DDX11: variants seen among roughly 807,000 people sequenced by gnomAD.
DDX11 encodes the protein DEAD/H-box helicase 11, also known as ATP-dependent DNA helicase DDX11.
DDX11 carries 72 observed loss-of-function variants against 125.2 expected under a neutral mutation model. The observed-to-expected ratio is 0.58, with a 90% confidence interval of 0.48 to 0.70. The LOEUF (loss-of-function observed/expected upper bound fraction) is 0.70. Ranked by LOEUF, DDX11 falls within the 30% of genes least tolerant of loss-of-function variation. The pLI is 0.00. For synonymous variants in DDX11, 347 were observed against 452.6 expected (o/e 0.77, Z 2.96); for missense variants, 883 against 1,165.0 (o/e 0.76, Z 3.52).
chr12:31,077,844 GAAAA>G (rs368776702), intron 1 of DDX11: 729 of 172,434 alleles, frequency 4.2e-3, no homozygotes, highest in South Asian at 0.013. Context: ...ACTCTGTCTC[GAAAA>G]AAAAAAAAAA....
intron 13 of DDX11, 36 bp downstream of exon 13, chr12:31,094,670 C>T (rs778429929): frequency 3.2e-6 from 5 of 1,550,798 alleles, no homozygotes; most frequent in Non-Finnish European, 4.4e-6. Context: ...CAGAGCTGAT[C>T]TGAGCCACTT....
intron 2 of DDX11, among the ~76,000 whole-genome samples, chr12:31,081,469 G>T (rs1035685223): frequency 6.6e-6 from 1 of 152,038 alleles, no homozygotes; most frequent in African/African-American, 2.4e-5. Flanking sequence ...ATCAAGTTGA[G>T]TCACCATTAC....
chr12:31,078,289 G>A, intron 1 of DDX11, 101 bp from the exon 2 acceptor site: 1 of 1,610,678 alleles, frequency 6.2e-7, no homozygotes, highest in Non-Finnish European at 8.5e-7. Flanking sequence ...GAGAAATTTG[G>A]TAATAAGTGT....
intron 5 of DDX11, 23 bp from the exon 6 acceptor site, chr12:31,087,915 T>C (rs750139608): frequency 1.6e-5 from 25 of 1,606,760 alleles, no homozygotes; most frequent in Non-Finnish European, 2.0e-5. Context: ...AAGACTGTTT[T>C]CTGTTCTCTC....
At chr12:31,098,051 G>C in intron 18 of DDX11, 54 bp downstream of exon 18, 1 of 1,355,600 alleles carries the variant, frequency 7.4e-7, no homozygotes, top group Non-Finnish European at 1.0e-6. Flanking sequence ...TGAGATGGGG[G>C]CTTGGGAGAG....
At position 31,101,029 on chromosome 12, in the gene DDX11, C is replaced by T; in HGVS notation, c.1951C>T (p.His651Tyr). 1 of 1,613,798 alleles carries T rather than the reference C, an allele frequency of 6.2e-7. No homozygotes were observed. Among genetic ancestry groups the T allele is most frequent in the Non-Finnish European group, 8.5e-7 (1 of 1,179,650 alleles). Residue 651 changes from histidine (H) to tyrosine (Y), a missense_variant and splice_region_variant, in exon 20 of 27, where the codon CAC (histidine) becomes TAC (tyrosine). Physicochemically the swap from His to Tyr is moderately conservative, Grantham distance 83. Coordinates refer to ENST00000542838, the MANE Select transcript of DDX11 (RefSeq NM_030653.4). ...AERVVEFSCG[H>Y]VIPPDNILPL... Reference sequence around the variant, plus strand: ...GGCCCCTCCCTGGCTCTTACCAGGTCACGTGATCCCTCCAGACAACATCCT... The same window carrying T: ...GGCCCCTCCCTGGCTCTTACCAGGTTACGTGATCCCTCCAGACAACATCCT...
Position 31,096,759 on chromosome 12 carries a change from G to A in DDX11, c.1630+14G>A. The A allele has an allele frequency of 1.9e-6, 3 of 1,614,202 alleles. No homozygotes were observed. The highest frequency in any genetic ancestry group is 1.6e-4 in the Middle Eastern group (1 of 6,062). Reference sequence around the variant, plus strand: ...GGACGACTGAAGGTGAGGCAGGAGGGTGGGCAGGCAGAGCCGGCTGCACGC... The same window carrying A: ...GGACGACTGAAGGTGAGGCAGGAGGATGGGCAGGCAGAGCCGGCTGCACGC... On this transcript the variant is annotated intron_variant, in intron 16 of 26. Transcript: ENST00000542838.
chr12:31,097,456 G>A (rs949527041), intron 17 of DDX11, among the ~76,000 whole-genome samples: 56 of 149,850 alleles, frequency 3.7e-4, no homozygotes, highest in Non-Finnish European at 7.0e-4. Flanking sequence ...GAGGGGGGGC[G>A]GATCGTGAGT....
At chr12:31,089,227 T>G in intron 7 of DDX11, 76 bp downstream of exon 7, 1 of 1,447,204 alleles carries the variant, frequency 6.9e-7, no homozygotes. Flanking sequence ...CGTCCAGGCC[T>G]TGGGAGACGC....
At chr12:31,078,748 G>A (rs1046541613) in intron 2 of DDX11, among the ~76,000 whole-genome samples, 1 of 151,482 alleles carries the variant, frequency 6.6e-6, no homozygotes, top group African/African-American at 2.4e-5. Context: ...AGTGCAGTGG[G>A]ACGATCTCGG....
intron 20 of DDX11, chr12:31,101,582 G>A: frequency 1.8e-6 from 1 of 555,846 alleles, no homozygotes; most frequent in Non-Finnish European, 3.2e-6. Context: ...CAATAGGGAG[G>A]CCCCCTAGGG....
Position 31,092,848 on chromosome 12 carries a change from C to T in DDX11, c.1245C>T (p.Leu415=), listed in dbSNP as rs773991478. 2 of 1,613,984 alleles carry T rather than the reference C, an allele frequency of 1.2e-6. No homozygotes were observed. Among genetic ancestry groups the T allele is most frequent in the Non-Finnish European group, 1.7e-6 (2 of 1,179,858 alleles). The change falls in exon 11 of 27, where the codon CTC becomes CTT. Residue 415 remains leucine, a splice_region_variant and synonymous_variant. Coordinates refer to ENST00000542838, the MANE Select transcript of DDX11 (RefSeq NM_030653.4). ...CCTGGTTTGTGTTCTTTCCCCAGCT[C>T]TGCCAGGCCCATTCCCAGCTGCTGC... ...MHSVEVSGSQ[L]CQAHSQLLQY...
At chr12:31,101,542 G>A in intron 20 of DDX11, 1 of 512,436 alleles carries the variant, frequency 2.0e-6, no homozygotes, top group South Asian at 2.0e-5. Context: ...CAGGACCCTG[G>A]ACAGAAGAAG....
intron 5 of DDX11, 36 bp downstream of exon 5, chr12:31,085,162 C>A: frequency 1.3e-6 from 2 of 1,548,146 alleles, no homozygotes; most frequent in South Asian, 2.4e-5. Flanking sequence ...CTGCCCCAGG[C>A]CAGGGGACAC....
chr12:31,092,475 C>T (rs1225208398), intron 10 of DDX11, among the ~76,000 whole-genome samples: 1 of 152,170 alleles, frequency 6.6e-6, no homozygotes, highest in African/African-American at 2.4e-5. Flanking sequence ...GCTCTACTGA[C>T]CTGTGCCTGG....
At chr12:31,078,689 C>CT (rs35973448) in intron 2 of DDX11, 152 bp downstream of exon 2, 127,224 of 835,400 alleles carry the variant, frequency 0.15, 1,453 homozygotes, top group East Asian at 0.24. Flanking sequence ...CTATTAAAGT[C>CT]TTTTTTTTTT....
intron 1 of DDX11, among the ~76,000 whole-genome samples, chr12:31,077,494 T>G (rs71440933): frequency 0.53 from 79,425 of 150,194 alleles, 22,056 homozygotes; most frequent in East Asian, 0.81. Flanking sequence ...GGTGGCTCTG[T>G]TCGGTGCTGG....
intron 17 of DDX11, 109 bp downstream of exon 17, chr12:31,097,099 T>C: frequency 1.3e-6 from 2 of 1,483,240 alleles, no homozygotes; most frequent in Non-Finnish European, 1.8e-6. Context: ...ACTTCCTGGG[T>C]TAGGAGGAAG....
intron 1 of DDX11, among the ~76,000 whole-genome samples, chr12:31,077,196 G>A (rs1940848038): frequency 1.3e-5 from 2 of 152,136 alleles, no homozygotes; most frequent in South Asian, 4.2e-4. Context: ...AAAGAGAGAG[G>A]TGTGGGAACC....
Sources: allele counts gnomAD v4.1 joint callset (sites outside exome capture counted in the v4.1 genomes callset), GRCh38; gene constraint gnomAD v4.1.1; transcripts MANE v1.5; gene names NCBI Gene and HGNC (gene_info 2026-07-23, HGNC 2026-07-21).